Variants in DTNB observed in about 807,000 individuals in gnomAD.
DTNB encodes the protein dystrobrevin beta.
In DTNB, 63 loss-of-function variants were observed where a neutral mutation model predicts 90.7. The observed-to-expected ratio is 0.69, with a 90% confidence interval of 0.57 to 0.86. The LOEUF is 0.86. Ranked by LOEUF, DTNB falls within the 40% of genes least tolerant of loss-of-function variation. DTNB has a pLI of 0.00. For missense variants in DTNB, 744 were observed against 807.1 expected (o/e 0.92, Z 0.95); for synonymous variants, 277 against 286.7 (o/e 0.97, Z 0.34).
chr2:25,602,600 A>C (rs979052623), intron 5 of DTNB, among the ~76,000 whole-genome samples: 4 of 152,244 alleles, frequency 2.6e-5, no homozygotes, highest in Non-Finnish European at 5.9e-5. Flanking sequence ...GGAAGCAAAC[A>C]GTTGAAACAT....
intron 9 of DTNB, among the ~76,000 whole-genome samples, chr2:25,511,351 A>G (rs1356764503): frequency 6.6e-6 from 1 of 151,776 alleles, no homozygotes; most frequent in Non-Finnish European, 1.5e-5. Context: ...TTTTTTTTTG[A>G]GATGGAGTTT....
intron 1 of DTNB, among the ~76,000 whole-genome samples, chr2:25,658,073 A>G (rs1205054556): frequency 2.6e-5 from 4 of 152,006 alleles, no homozygotes; most frequent in African/African-American, 9.7e-5. Flanking sequence ...CCTGGCTAAC[A>G]TGGCGAAACC....
At chr2:25,585,638 G>A (rs1424496094) in intron 6 of DTNB, among the ~76,000 whole-genome samples, 1 of 152,142 alleles carries the variant, frequency 6.6e-6, no homozygotes, top group Non-Finnish European at 1.5e-5. Flanking sequence ...CATTGCTACA[G>A]TCTCCAACTT....
chr2:25,539,998 G>A (rs114218661), intron 8 of DTNB, among the ~76,000 whole-genome samples: 2,100 of 152,028 alleles, frequency 0.014, 58 homozygotes, highest in African/African-American at 0.046. Context: ...TATTCCTGCT[G>A]GATATATATT....
chr2:25,633,490 C>A (rs2076251659), intron 3 of DTNB, among the ~76,000 whole-genome samples: 1 of 152,132 alleles, frequency 6.6e-6, no homozygotes, highest in Non-Finnish European at 1.5e-5. Flanking sequence ...GGCTGGAGTG[C>A]AGTGGCGTGA....
chr2:25,451,475 C>A, intron 12 of DTNB, 73 bp downstream of exon 12: 1 of 1,486,996 alleles, frequency 6.7e-7, no homozygotes, highest in Non-Finnish European at 9.1e-7. Context: ...TTCATGTCTA[C>A]TATTCCCTTT....
intron 8 of DTNB, among the ~76,000 whole-genome samples, chr2:25,572,150 C>T (rs1441913012): frequency 6.6e-6 from 1 of 152,146 alleles, no homozygotes; most frequent in African/African-American, 2.4e-5. Flanking sequence ...CCTTAAGATG[C>T]AATCTATGAA....
At chr2:25,381,212 TGTGTGC>T (rs978720661) in intron 19 of DTNB, among the ~76,000 whole-genome samples, 3 of 142,386 alleles carry the variant, frequency 2.1e-5, no homozygotes, top group East Asian at 4.0e-4. Flanking sequence ...CGTGTGCGTG[TGTGTGC>T]GCGTGTTTGC....
chr2:25,630,492 C>T (rs539815972), intron 3 of DTNB, among the ~76,000 whole-genome samples: 8 of 152,224 alleles, frequency 5.3e-5, no homozygotes, highest in East Asian at 1.9e-4. Context: ...TATAGATACA[C>T]GGATAAATAA....
chr2:25,441,327 C>A (rs1395386548), intron 12 of DTNB, among the ~76,000 whole-genome samples: 1 of 152,208 alleles, frequency 6.6e-6, no homozygotes, highest in Non-Finnish European at 1.5e-5. Context: ...TCAGAGAATT[C>A]ACTTGCTTCT....
chr2:25,606,999 G>A (rs2067249890), intron 5 of DTNB, among the ~76,000 whole-genome samples: 1 of 152,156 alleles, frequency 6.6e-6, no homozygotes, highest in African/African-American at 2.4e-5. Context: ...TCAGCATTAT[G>A]ATTCTGAGTC....
At chr2:25,607,015 C>G (rs1011777325) in intron 5 of DTNB, among the ~76,000 whole-genome samples, 3 of 152,104 alleles carry the variant, frequency 2.0e-5, no homozygotes, top group Non-Finnish European at 4.4e-5. Context: ...GAGTCTTTTC[C>G]ATTTTCTCAC....
At chr2:25,493,100 T>C (rs1367832663) in intron 9 of DTNB, among the ~76,000 whole-genome samples, 1 of 152,200 alleles carries the variant, frequency 6.6e-6, no homozygotes, top group Non-Finnish European at 1.5e-5. Flanking sequence ...CTCTTTTACA[T>C]AGACAGCTGT....
intron 1 of DTNB, among the ~76,000 whole-genome samples, chr2:25,670,144 G>A (rs951576091): frequency 6.6e-6 from 1 of 152,144 alleles, no homozygotes; most frequent in African/African-American, 2.4e-5. Flanking sequence ...GTTGATTCCT[G>A]TGTTCCAACA....
intron 16 of DTNB, among the ~76,000 whole-genome samples, chr2:25,401,052 AT>A (rs1346204968): frequency 6.6e-6 from 1 of 152,124 alleles, no homozygotes; most frequent in Non-Finnish European, 1.5e-5. Flanking sequence ...TCCAACATTC[AT>A]TTTTCATTTG....
chr2:25,650,685 G>A (rs1049608304), intron 2 of DTNB, among the ~76,000 whole-genome samples: 1 of 152,212 alleles, frequency 6.6e-6, no homozygotes, highest in Admixed American at 6.5e-5. Flanking sequence ...TTTAGGCCAG[G>A]CACAGTGGCT....
At chr2:25,576,609 A>G (rs2060722553) in intron 8 of DTNB, 3 of 473,912 alleles carry the variant, frequency 6.3e-6, no homozygotes, top group Non-Finnish European at 1.1e-5. Context: ...TGAATAAAAG[A>G]GACCATTTCA....
intron 12 of DTNB, among the ~76,000 whole-genome samples, 156 bp downstream of exon 12, chr2:25,451,392 G>A (rs573871507): frequency 5.2e-4 from 79 of 152,264 alleles, no homozygotes; most frequent in African/African-American, 1.9e-3. Context: ...CTTTATCAGG[G>A]TGAGGAAGTT....
At chr2:25,518,227 G>C (rs1001029945) in intron 9 of DTNB, among the ~76,000 whole-genome samples, 2 of 151,946 alleles carry the variant, frequency 1.3e-5, no homozygotes, top group African/African-American at 4.8e-5. Context: ...TAAAAAAAAA[G>C]AATACTAAGG....
Sources: allele counts gnomAD v4.1 joint callset (sites outside exome capture counted in the v4.1 genomes callset), GRCh38; gene constraint gnomAD v4.1.1; transcripts MANE v1.5; gene names NCBI Gene and HGNC (gene_info 2026-07-23, HGNC 2026-07-21).